The following OTUD7A variants were observed in gnomAD, a reference collection of about 807,000 sequenced individuals.
OTUD7A encodes the protein OTU domain-containing protein 7A.
OTUD7A carries 12 observed loss-of-function variants against 65.7 expected under a neutral mutation model. The ratio of observed to expected loss-of-function variants is 0.18; its 90% CI spans 0.12 to 0.30. OTUD7A has a LOEUF of 0.30. Ranked by LOEUF, OTUD7A falls within the 10% of genes least tolerant of loss-of-function variation. The pLI, the probability that OTUD7A is intolerant of heterozygous loss-of-function variation, is 1.00. For missense variants in OTUD7A, 1,148 were observed against 1,304.8 expected (o/e 0.88, Z 1.85); for synonymous variants, 641 against 586.3 (o/e 1.09, Z -1.35).
At chr15:31,586,033 C>T (rs2141190482) in intron 3 of OTUD7A, among the ~76,000 whole-genome samples, 1 of 152,262 alleles carries the variant, frequency 6.6e-6, no homozygotes, top group South Asian at 2.1e-4. Context: ...TCAGGATGGT[C>T]CCTCAGCAGG....
intron 1 of OTUD7A, among the ~76,000 whole-genome samples, chr15:31,666,498 T>C (rs1219724086): frequency 1.3e-5 from 2 of 152,198 alleles, no homozygotes; most frequent in Non-Finnish European, 2.9e-5. Flanking sequence ...CGTTTGTTTC[T>C]TAATGAGGTT....
At chr15:31,729,541 A>C (rs191152261) in intron 1 of OTUD7A, among the ~76,000 whole-genome samples, 134 of 152,286 alleles carry the variant, frequency 8.8e-4, no homozygotes, top group African/African-American at 3.1e-3. Flanking sequence ...TAAAGTTAAA[A>C]CTGGCACTTA....
intron 8 of OTUD7A, among the ~76,000 whole-genome samples, chr15:31,517,838 C>T (rs1447177090): frequency 1.3e-5 from 2 of 152,140 alleles, no homozygotes; most frequent in Non-Finnish European, 2.9e-5. Context: ...TTTGGGGGCA[C>T]CCTGGCTTAA....
At chr15:31,599,934 A>T (rs972704563) in intron 3 of OTUD7A, among the ~76,000 whole-genome samples, 2 of 152,128 alleles carry the variant, frequency 1.3e-5, no homozygotes, top group Admixed American at 6.5e-5. Flanking sequence ...AGAAGACAGG[A>T]TTAGAGAAAA....
chr15:31,598,806 T>C lies in OTUD7A; in HGVS notation c.152-28609A>G, dbSNP rs565353009. On this transcript the variant is annotated intron_variant, in intron 3 of 12. Transcript: ENST00000307050. Reference sequence around the variant, plus strand: ...GCAGTCTGAGGTCGACCTGGGGCACTTGAGCTTGGTAGGGGGAGGGGCGTC... The same window carrying C: ...GCAGTCTGAGGTCGACCTGGGGCACCTGAGCTTGGTAGGGGGAGGGGCGTC... 7.9e-5 allele frequency among the ~76,000 whole-genome samples: 12 copies of C among 152,288 alleles called. No individual in the cohort carries two copies. In the South Asian group the frequency reaches 1.2e-3, roughly 16 times the overall value.
intron 1 of OTUD7A, among the ~76,000 whole-genome samples, chr15:31,860,677 G>GTGTATATATA (rs560896384): frequency 0.018 from 1,300 of 73,278 alleles, 77 homozygotes; most frequent in African/African-American, 0.046. Context: ...ATGTATGTGT[G>GTGTATATATA]TATATATATA....
At chr15:31,557,493 T>C (rs757564772) in intron 5 of OTUD7A, 1 of 152,272 alleles carries the variant, frequency 6.6e-6, no homozygotes, top group South Asian at 2.1e-4. Context: ...ACCTGGATGG[T>C]GGAGGAAGAG....
intron 1 of OTUD7A, chr15:31,767,993 T>G: frequency 6.3e-7 from 1 of 1,585,248 alleles, no homozygotes; most frequent in African/African-American, 1.3e-5. Flanking sequence ...CAACAGTTGT[T>G]GCCTTGTAAC....
At chr15:31,639,963 A>G (rs1410480192) in intron 3 of OTUD7A, among the ~76,000 whole-genome samples, 1 of 152,250 alleles carries the variant, frequency 6.6e-6, no homozygotes, top group African/African-American at 2.4e-5. Context: ...CTTGCAGTTT[A>G]TCTTTTCATT....
chr15:31,507,634 T>TGGGGGGG (rs60691059), intron 8 of OTUD7A, among the ~76,000 whole-genome samples: 1 of 69,410 alleles, frequency 1.4e-5, no homozygotes, highest in African/African-American at 6.8e-5. Context: ...CGCTGCTGGC[T>TGGGGGGG]GGGGGGCGGG....
intron 1 of OTUD7A, among the ~76,000 whole-genome samples, chr15:31,679,472 C>T (rs536354975): frequency 1.6e-4 from 24 of 152,272 alleles, no homozygotes; most frequent in South Asian, 8.3e-4. Context: ...AGGGTGGGAC[C>T]AGGTGGAGGT....
At chr15:31,717,548 T>C (rs1201863910) in intron 1 of OTUD7A, among the ~76,000 whole-genome samples, 1 of 152,222 alleles carries the variant, frequency 6.6e-6, no homozygotes, top group Non-Finnish European at 1.5e-5. Context: ...GCTTCATCCA[T>C]GTCCCTACAA....
At chr15:31,486,378 C>T (rs2041237040) in intron 12 of OTUD7A, among the ~76,000 whole-genome samples, 1 of 152,230 alleles carries the variant, frequency 6.6e-6, no homozygotes, top group Admixed American at 6.5e-5. Flanking sequence ...AGGCTGGAGT[C>T]TGAGAGCACT....
At chr15:31,649,451 G>A (rs1452159447) in intron 3 of OTUD7A, among the ~76,000 whole-genome samples, 2 of 152,016 alleles carry the variant, frequency 1.3e-5, no homozygotes, top group African/African-American at 4.8e-5. Context: ...TACAAATGAG[G>A]ACCATGTACC....
intron 1 of OTUD7A, among the ~76,000 whole-genome samples, chr15:31,732,461 G>A (rs542182970): frequency 6.6e-6 from 1 of 152,346 alleles, no homozygotes; most frequent in African/African-American, 2.4e-5. Flanking sequence ...GAGGATATTT[G>A]TAGTTGCATG....
intron 1 of OTUD7A, among the ~76,000 whole-genome samples, chr15:31,693,791 G>A (rs1412841186): frequency 2.0e-5 from 3 of 152,046 alleles, no homozygotes; most frequent in Non-Finnish European, 4.4e-5. Context: ...AAACCCATCA[G>A]CCGGGCTTCC....
intron 4 of OTUD7A, among the ~76,000 whole-genome samples, chr15:31,561,702 A>G (rs981948791): frequency 6.6e-6 from 1 of 152,144 alleles, no homozygotes; most frequent in Non-Finnish European, 1.5e-5. Context: ...ATATAAAATG[A>G]GAAATATATG....
intron 3 of OTUD7A, among the ~76,000 whole-genome samples, chr15:31,604,770 G>A (rs889745357): frequency 5.9e-5 from 9 of 152,216 alleles, no homozygotes; most frequent in Admixed American, 5.2e-4. Flanking sequence ...GCCCAGGGGA[G>A]GACTTCCAGG....
intron 1 of OTUD7A, among the ~76,000 whole-genome samples, chr15:31,780,169 A>G (rs1361239085): frequency 6.6e-6 from 1 of 152,206 alleles, no homozygotes; most frequent in African/African-American, 2.4e-5. Context: ...TCACTTAAAA[A>G]TAAAGCAGCC....
Sources: gnomAD v4.1 joint callset for allele counts (sites outside exome capture counted in the v4.1 genomes callset) on GRCh38, gnomAD v4.1.1 for gene constraint, MANE v1.5 for transcripts, NCBI Gene and HGNC (gene_info 2026-07-23, HGNC 2026-07-21) for gene names.